Variants in NTM observed in about 807,000 individuals in gnomAD.
NTM encodes neurotrimin, also known as IgLON family member 2.
Under a neutral mutation model 42.1 loss-of-function variants are expected in NTM, and 13 were observed. The observed-to-expected ratio is 0.31, with a 90% CI of 0.20 to 0.49. The LOEUF (loss-of-function observed/expected upper bound fraction) is 0.49. Among genes scored for constraint, NTM ranks in the 20% least tolerant of loss-of-function variants. The pLI, the probability that NTM is intolerant of heterozygous loss-of-function variation, is 0.99. For synonymous variants in NTM, 187 were observed against 179.2 expected, an observed-to-expected ratio of 1.04 and a Z score of -0.35; for missense variants, 373 against 452.8, an observed-to-expected ratio of 0.82 and a Z score of 1.60.
intron 1 of NTM, 119 bp from the exon 2 acceptor site, chr11:131,911,445 C>T (rs1024048961): frequency 6.2e-7 from 1 of 1,613,328 alleles, no homozygotes; most frequent in African/African-American, 1.3e-5. Flanking sequence ...GTGTGCCGTG[C>T]GGCTGCCGGA....
chr11:131,682,956 T>A (rs1592533106), intron 1 of NTM, among the ~76,000 whole-genome samples: 1 of 152,166 alleles, frequency 6.6e-6, no homozygotes. Context: ...GGCAGGTAGA[T>A]GTCGTACACA....
intron 2 of NTM, among the ~76,000 whole-genome samples, chr11:131,969,594 G>T (rs1322303739): frequency 2.6e-5 from 4 of 152,144 alleles, no homozygotes; most frequent in African/African-American, 4.8e-5. Context: ...AGATGTTGGG[G>T]TTTCATAGTT....
intron 2 of NTM, among the ~76,000 whole-genome samples, chr11:131,953,189 G>A (rs1274677451): frequency 1.3e-5 from 2 of 152,098 alleles, no homozygotes; most frequent in African/African-American, 4.8e-5. Context: ...CTGTTGCCAT[G>A]GCAACATTCA....
At chr11:131,464,141 G>A (rs1395296747) in intron 1 of NTM, among the ~76,000 whole-genome samples, 3 of 152,146 alleles carry the variant, frequency 2.0e-5, no homozygotes, top group African/African-American at 7.2e-5. Context: ...AGCAGGAAGA[G>A]CGGTGGACGT....
intron 1 of NTM, among the ~76,000 whole-genome samples, chr11:131,805,359 C>T (rs2092421484): frequency 6.6e-6 from 1 of 152,182 alleles, no homozygotes; most frequent in South Asian, 2.1e-4. Flanking sequence ...AAACAAAGCT[C>T]AGCGTACATA....
At chr11:132,169,875 C>T (rs2075880688) in intron 3 of NTM, among the ~76,000 whole-genome samples, 1 of 152,160 alleles carries the variant, frequency 6.6e-6, no homozygotes, top group African/African-American at 2.4e-5. Flanking sequence ...ATTCAGTTCA[C>T]CCCATCTTTC....
chr11:131,424,741 TTGTA>T (rs1947934150), intron 1 of NTM, among the ~76,000 whole-genome samples: 1 of 146,864 alleles, frequency 6.8e-6, no homozygotes, highest in Admixed American at 6.8e-5. Context: ...TTTTTTTTTT[TTGTA>T]TTTTTAGTAG....
chr11:131,739,556 G>A (rs751157421), intron 1 of NTM, among the ~76,000 whole-genome samples: 2 of 152,198 alleles, frequency 1.3e-5, no homozygotes, highest in Non-Finnish European at 2.9e-5. Context: ...GCATACCTAT[G>A]TGCATGCTCT....
chr11:132,154,517 T>C (rs1272654772), intron 3 of NTM, among the ~76,000 whole-genome samples: 2 of 152,220 alleles, frequency 1.3e-5, no homozygotes, highest in South Asian at 2.1e-4. Context: ...TTCCATAGTA[T>C]AGTAAGGTGC....
In NTM at chr11:131,380,048, C is replaced by T. The variant is rs181703550; in HGVS notation, c.82+9160C>T. On this transcript the variant is annotated intron_variant, in intron 1 of 8. Coordinates refer to ENST00000683400, the MANE Select transcript of NTM (RefSeq NM_001352005.2). Reference sequence around the variant, plus strand: ...CCTCTCTCCTAAACTGAGGCACTCCCTGCTCCATGGCCTCTTTGGGGTTTC... The same window carrying T: ...CCTCTCTCCTAAACTGAGGCACTCCTTGCTCCATGGCCTCTTTGGGGTTTC... Among the ~76,000 whole-genome samples, 523 of 152,294 alleles carry T rather than the reference C, an allele frequency of 3.4e-3. 2 individuals carry two copies. The highest frequency in any genetic ancestry group is 0.012 in the African/African-American group (502 of 41,556).
chr11:131,683,846 T>A (rs772613594), intron 1 of NTM, among the ~76,000 whole-genome samples: 13 of 152,174 alleles, frequency 8.5e-5, no homozygotes, highest in Non-Finnish European at 1.3e-4. Context: ...CGTCCTAGGC[T>A]GACTTCTCCC....
intron 4 of NTM, among the ~76,000 whole-genome samples, chr11:132,232,010 G>A (rs554878011): frequency 2.2e-4 from 34 of 152,282 alleles, no homozygotes; most frequent in African/African-American, 7.9e-4. Flanking sequence ...GGAAGGCAGA[G>A]CAAGAGAGCC....
chr11:131,389,754 T>G (rs1437004101), intron 1 of NTM, among the ~76,000 whole-genome samples: 1 of 152,214 alleles, frequency 6.6e-6, no homozygotes. Flanking sequence ...GTGCTGTAAC[T>G]GGCTGCGTTA....
rs1565686675 is a variant in NTM, at chr11:131,598,856, CCTTCCTTCCTTCCTTCCTT to C, written c.82+227989_82+228007del. On this transcript the variant is annotated intron_variant, in intron 1 of 8. Transcript: ENST00000683400. ...TTCTTTCTTTCTTTCTTTCTTCCTTCCTTCCTTCCTTCCTTCCTTCTTCCTTCCTTCCTTCCTTCCTTCC... is the reference window on the plus strand; with the variant it reads ...TTCTTTCTTTCTTTCTTTCTTCCTTCCTTCCTTCCTTCCTTCCTTCCTTCC... Among the ~76,000 whole-genome samples, 9 of 38,214 alleles carry C rather than the reference CCTTCCTTCCTTCCTTCCTT, an allele frequency of 2.4e-4. 1 individual carries two copies. The highest frequency in any genetic ancestry group is 5.4e-4 in the African/African-American group (9 of 16,648). 25.1% of individuals were successfully genotyped at this position (38,214 alleles called of 152,430 possible).
intron 4 of NTM, among the ~76,000 whole-genome samples, chr11:132,261,977 A>G (rs1232571634): frequency 6.6e-6 from 1 of 152,234 alleles, no homozygotes; most frequent in Non-Finnish European, 1.5e-5. Flanking sequence ...CCAGCTGGAT[A>G]AAGAGCACTC....
chr11:132,021,422 C>G lies in NTM; in HGVS notation c.167+109774C>G, dbSNP rs145055075. Among the ~76,000 whole-genome samples, 813 of 152,224 alleles carry G rather than the reference C, an allele frequency of 5.3e-3. 8 individuals carry two copies. Among genetic ancestry groups the G allele is most frequent in the African/African-American group, 0.019 (774 of 41,544 alleles). ...TGCCTACTTTGTTTTGTATGGGTCA[C>G]AGTTTCCTCTTTCCTTGCATATCTC... is the stretch of plus-strand genomic sequence containing the variant. On this transcript the variant is annotated intron_variant, in intron 2 of 8. Coordinates refer to ENST00000683400, the MANE Select transcript of NTM (RefSeq NM_001352005.2).
At chr11:131,387,182 C>T (rs755984340) in intron 1 of NTM, among the ~76,000 whole-genome samples, 1 of 152,138 alleles carries the variant, frequency 6.6e-6, no homozygotes, top group Non-Finnish European at 1.5e-5. Context: ...TGAAAACTTT[C>T]GGCACTCAAT....
Position 132,066,371 on chromosome 11 carries a change from C to G in NTM, c.168-79911C>G, listed in dbSNP as rs576545442. Among the ~76,000 whole-genome samples the G allele has an allele frequency of 5.3e-5, 8 of 152,312 alleles. No individual in the cohort carries two copies. The South Asian group carries it at 8.3e-4, about 16-fold the overall frequency. Reference sequence around the variant, plus strand: ...GTATTAGAGCTAGCTGGATATTCATCTGGACCCTTCTATAGGTTGATTCAT... The same window carrying G: ...GTATTAGAGCTAGCTGGATATTCATGTGGACCCTTCTATAGGTTGATTCAT... On this transcript the variant is annotated intron_variant, in intron 2 of 8. Transcript: ENST00000683400.
rs3040137 is a variant in NTM, at chr11:131,574,561, AGTGTGT to A, written c.82+203694_82+203699del. Among the ~76,000 whole-genome samples the A allele has an allele frequency of 3.3e-4, 48 of 147,510 alleles. 1 individual carries two copies. Among genetic ancestry groups the A allele is most frequent in the South Asian group, 1.1e-3 (5 of 4,542 alleles). On this transcript the variant is annotated intron_variant, in intron 1 of 8. Coordinates refer to ENST00000683400, the MANE Select transcript of NTM (RefSeq NM_001352005.2). Reference sequence around the variant, plus strand: ...AAACTAGAGTGTGTGTATGTGCTTGAGTGTGTGTGTGTGTGTGTGTGTGTGTCTACA... The same window carrying A: ...AAACTAGAGTGTGTGTATGTGCTTGAGTGTGTGTGTGTGTGTGTGTCTACA...
Sources: gnomAD v4.1 joint callset for allele counts (sites outside exome capture counted in the v4.1 genomes callset) on GRCh38, gnomAD v4.1.1 for gene constraint, MANE v1.5 for transcripts, NCBI Gene and HGNC (gene_info 2026-07-23, HGNC 2026-07-21) for gene names.